The following AFF3 variants were observed in gnomAD, a reference collection of about 807,000 sequenced individuals.
AFF3 encodes AF4/FMR2 family member 3.
In AFF3, 32 loss-of-function variants were observed where a neutral mutation model predicts 129.7. The observed-to-expected ratio is 0.25, with a 90% CI of 0.19 to 0.33. AFF3 has a LOEUF of 0.33. AFF3 is among the 10% of genes least tolerant of loss of function. The pLI, the probability that AFF3 is intolerant of heterozygous loss-of-function variation, is 1.00. For missense variants in AFF3, 1,373 were observed against 1,592.0 expected (o/e 0.86, Z 2.34); for synonymous variants, 644 against 635.4 (o/e 1.01, Z -0.20).
chr2:100,029,055 A>G (rs970043475), intron 4 of AFF3, among the ~76,000 whole-genome samples: 2 of 152,226 alleles, frequency 1.3e-5, no homozygotes, highest in Admixed American at 6.5e-5. Context: ...TAAAGTGTGC[A>G]CACTCATAGA....
chr2:99,943,137 A>G (rs901600995), intron 7 of AFF3, among the ~76,000 whole-genome samples: 1 of 152,044 alleles, frequency 6.6e-6, no homozygotes, highest in African/African-American at 2.4e-5. Flanking sequence ...AAAAGGATCA[A>G]CCCCATTGTC....
At chr2:99,598,277 G>A (rs1007822104) in intron 14 of AFF3, among the ~76,000 whole-genome samples, 1 of 152,008 alleles carries the variant, frequency 6.6e-6, no homozygotes, top group Admixed American at 6.6e-5. Context: ...TACAACAAAG[G>A]CCGAGTGAGT....
At chr2:99,791,652 A>T (rs1254688416) in intron 8 of AFF3, among the ~76,000 whole-genome samples, 1 of 152,162 alleles carries the variant, frequency 6.6e-6, no homozygotes, top group Non-Finnish European at 1.5e-5. Flanking sequence ...TCATACTCAC[A>T]GTGCTTTCCT....
At chr2:99,604,954 G>A (rs115234438) in intron 13 of AFF3, among the ~76,000 whole-genome samples, 8 of 152,350 alleles carry the variant, frequency 5.3e-5, no homozygotes, top group Admixed American at 1.3e-4. Flanking sequence ...TGGGCTTTGC[G>A]TGTACAGCAG....
rs909203452 is a variant in AFF3, at chr2:99,550,843, G to T, written c.*631C>A. 5.0e-5 allele frequency: 12 copies of T among 237,832 alleles called. No individual in the cohort carries two copies. The highest frequency in any genetic ancestry group is 5.8e-5 in the Non-Finnish European group (7 of 121,242). The allele number at this position is 237,832 out of a possible 1,614,324, so 14.7% of individuals were successfully genotyped here. On this transcript the variant is annotated 3_prime_UTR_variant, in exon 25 of 25. Transcript: ENST00000672756. The stretch of plus-strand genomic sequence containing the variant: ...AGAGTCAGATGGGGGAAGGGAATTA[G>T]AGGAAGAGCAGGGTATTTGGTAACA...
chr2:100,128,913 G>A (rs1692309822), intron 2 of AFF3, among the ~76,000 whole-genome samples: 1 of 152,150 alleles, frequency 6.6e-6, no homozygotes, highest in South Asian at 2.1e-4. Context: ...TATCCTTCCT[G>A]TGGACACATT....
intron 13 of AFF3, among the ~76,000 whole-genome samples, chr2:99,646,642 T>C (rs918241282): frequency 1.6e-4 from 24 of 152,282 alleles, no homozygotes; most frequent in African/African-American, 5.8e-4. Context: ...CTTTACTCAA[T>C]TCCTTTCCCA....
chr2:99,606,915 C>CAAAAAA (rs10680840), intron 13 of AFF3, among the ~76,000 whole-genome samples: 12 of 62,136 alleles, frequency 1.9e-4, no homozygotes, highest in Non-Finnish European at 2.6e-4. Context: ...CTCCGTCTCA[C>CAAAAAA]AAAAAAAAAA....
intron 1 of AFF3, among the ~76,000 whole-genome samples, chr2:100,130,540 T>A (rs1692387552): frequency 6.6e-6 from 1 of 152,240 alleles, no homozygotes. Flanking sequence ...CTCAGCCGTG[T>A]GCCCACAGGC....
At chr2:99,968,029 C>T (rs1031553410) in intron 7 of AFF3, among the ~76,000 whole-genome samples, 1 of 152,238 alleles carries the variant, frequency 6.6e-6, no homozygotes, top group Non-Finnish European at 1.5e-5. Context: ...ATCTCAGCAA[C>T]AGTAGATCAT....
intron 7 of AFF3, among the ~76,000 whole-genome samples, chr2:99,925,642 G>T (rs1002165630): frequency 6.6e-6 from 1 of 152,178 alleles, no homozygotes; most frequent in Non-Finnish European, 1.5e-5. Context: ...CTGCCACCAC[G>T]GAAATATGTC....
chr2:100,073,533 T>G (rs1443398427), intron 4 of AFF3, among the ~76,000 whole-genome samples: 1 of 152,230 alleles, frequency 6.6e-6, no homozygotes, highest in African/African-American at 2.4e-5. Flanking sequence ...TGGGACTTTA[T>G]AGGGCAGCTT....
At chr2:99,853,746 A>G (rs1690318521) in intron 7 of AFF3, among the ~76,000 whole-genome samples, 1 of 152,242 alleles carries the variant, frequency 6.6e-6, no homozygotes, top group Non-Finnish European at 1.5e-5. Context: ...CTGCTATTAT[A>G]TGCAACAATT....
At chr2:99,715,124 A>G (rs1161648635) in intron 11 of AFF3, among the ~76,000 whole-genome samples, 1 of 152,056 alleles carries the variant, frequency 6.6e-6, no homozygotes, top group Admixed American at 6.6e-5. Context: ...TGATGGTCCT[A>G]CTCTTGGAGA....
intron 7 of AFF3, among the ~76,000 whole-genome samples, chr2:99,954,857 T>C (rs925817835): frequency 6.6e-6 from 1 of 151,572 alleles, no homozygotes. Flanking sequence ...ATGGCACATG[T>C]ATACATATAT....
At chr2:99,770,881 T>G (rs1176890666) in intron 8 of AFF3, among the ~76,000 whole-genome samples, 4 of 152,146 alleles carry the variant, frequency 2.6e-5, no homozygotes, top group African/African-American at 9.7e-5. Context: ...TCCTCTTTAC[T>G]CTTGCCCCTC....
chr2:99,599,498 C>G (rs993146401), intron 14 of AFF3, among the ~76,000 whole-genome samples: 1 of 152,150 alleles, frequency 6.6e-6, no homozygotes, highest in African/African-American at 2.4e-5. Flanking sequence ...ACCTCATGAT[C>G]CACCTGTTCA....
chr2:100,073,790 T>C lies in AFF3; in HGVS notation c.53+30612A>G, dbSNP rs149271210. ...ATGACCTCTTCATAGGAATCCTGTTTATTCTTTGCCTGTGAAAATTTTGTG... is the reference window on the plus strand; with the variant it reads ...ATGACCTCTTCATAGGAATCCTGTTCATTCTTTGCCTGTGAAAATTTTGTG... On this transcript the variant is annotated intron_variant, in intron 4 of 24. Coordinates refer to ENST00000672756, the MANE Select transcript of AFF3 (RefSeq NM_001386135.1). 3.9e-3 allele frequency among the ~76,000 whole-genome samples: 595 copies of C among 152,346 alleles called. 1 individual carries two copies. Among genetic ancestry groups the C allele is most frequent in the Non-Finnish European group, 6.8e-3 (462 of 68,030 alleles).
intron 21 of AFF3, among the ~76,000 whole-genome samples, chr2:99,559,370 T>C (rs1302879910): frequency 2.0e-5 from 3 of 152,232 alleles, no homozygotes; most frequent in Non-Finnish European, 4.4e-5. Flanking sequence ...CCACCTGATG[T>C]TACTGAACTA....
Sources: gnomAD v4.1 joint callset for allele counts (sites outside exome capture counted in the v4.1 genomes callset) on GRCh38, gnomAD v4.1.1 for gene constraint, MANE v1.5 for transcripts, NCBI Gene and HGNC (gene_info 2026-07-23, HGNC 2026-07-21) for gene names.